Variants in FGF10 observed in about 807,000 individuals in gnomAD.
FGF10 encodes fibroblast growth factor 10.
FGF10 carries 2 observed loss-of-function variants against 19.8 expected under a neutral mutation model. The observed-to-expected ratio is 0.10, with a 90% CI of 0.04 to 0.32. FGF10 has a LOEUF of 0.32. Ranked by LOEUF, FGF10 falls within the 10% of genes least tolerant of loss-of-function variation. FGF10 has a pLI of 1.00. For synonymous variants in FGF10, 112 were observed against 94.0 expected, an observed-to-expected ratio of 1.19 and a Z score of -1.10; for missense variants, 191 against 246.3, an observed-to-expected ratio of 0.78 and a Z score of 1.50.
At chr5:44,373,565 T>A (rs895999824) in intron 1 of FGF10, among the ~76,000 whole-genome samples, 8 of 152,186 alleles carry the variant, frequency 5.3e-5, no homozygotes, top group African/African-American at 1.9e-4. Context: ...TCATACAACG[T>A]AGAACACAGT....
At chr5:44,327,041 G>T (rs1740630646) in intron 1 of FGF10, among the ~76,000 whole-genome samples, 1 of 152,056 alleles carries the variant, frequency 6.6e-6, no homozygotes. Flanking sequence ...GCCCTTCCAG[G>T]GTAGGCAGGA....
rs1357448481 is a variant in FGF10 at position 44,304,780 on chromosome 5, C to T, written c.*215G>A. ...AATAACTTCTATCCCATTCGATCTG[C>T]CTATATCTTGATTATAAGACATGAC... On this transcript the variant is annotated 3_prime_UTR_variant, in exon 3 of 3. Transcript: ENST00000264664. 5 of 567,420 alleles carry T rather than the reference C, an allele frequency of 8.8e-6. No homozygotes were observed. Among genetic ancestry groups the T allele is most frequent in the East Asian group, 6.1e-5 (2 of 32,980 alleles). The allele number at this position is 567,420 out of a possible 1,614,324, so 35.1% of individuals were successfully genotyped here.
intron 1 of FGF10, among the ~76,000 whole-genome samples, chr5:44,332,094 A>C (rs1166757769): frequency 2.0e-5 from 3 of 152,148 alleles, no homozygotes; most frequent in Non-Finnish European, 2.9e-5. Flanking sequence ...TTTTCCATTT[A>C]AATAATACAA....
intron 1 of FGF10, among the ~76,000 whole-genome samples, chr5:44,333,790 G>C (rs1013927730): frequency 2.6e-5 from 4 of 152,122 alleles, no homozygotes; most frequent in Non-Finnish European, 4.4e-5. Context: ...AGGAGATAAT[G>C]TGAGGCTGCC....
intron 1 of FGF10, among the ~76,000 whole-genome samples, chr5:44,380,849 C>T (rs1741969565): frequency 6.6e-6 from 1 of 152,006 alleles, no homozygotes; most frequent in African/African-American, 2.4e-5. Context: ...GCAAATTATC[C>T]AGGCAGGGTG....
chr5:44,383,526 G>A (rs1347004717), intron 1 of FGF10, among the ~76,000 whole-genome samples: 3 of 152,056 alleles, frequency 2.0e-5, no homozygotes, highest in Non-Finnish European at 4.4e-5. Context: ...GAATTCTCAT[G>A]CTCCAATACG....
At chr5:44,328,002 T>C (rs1740650345) in intron 1 of FGF10, among the ~76,000 whole-genome samples, 2 of 152,342 alleles carry the variant, frequency 1.3e-5, no homozygotes, top group South Asian at 4.1e-4. Flanking sequence ...TTTCCTTAGA[T>C]GTCTTCCCAC....
At chr5:44,319,665 T>C (rs1026366225) in intron 1 of FGF10, among the ~76,000 whole-genome samples, 1 of 152,228 alleles carries the variant, frequency 6.6e-6, no homozygotes, top group Non-Finnish European at 1.5e-5. Context: ...CCTTCAAAGA[T>C]TATTTCCATG....
At chr5:44,307,452 T>C (rs1398963007) in intron 2 of FGF10, among the ~76,000 whole-genome samples, 2 of 152,164 alleles carry the variant, frequency 1.3e-5, no homozygotes, top group Non-Finnish European at 2.9e-5. Flanking sequence ...TTTTATACTT[T>C]ATTTACTGAA....
chr5:44,327,870 G>A (rs555613759), intron 1 of FGF10, among the ~76,000 whole-genome samples: 112 of 152,264 alleles, frequency 7.4e-4, no homozygotes, highest in Non-Finnish European at 5.1e-4. Flanking sequence ...CTTGCCTGTT[G>A]ACAAAGACAG....
intron 1 of FGF10, among the ~76,000 whole-genome samples, chr5:44,368,248 A>G (rs1432045374): frequency 6.6e-6 from 1 of 152,132 alleles, no homozygotes; most frequent in Admixed American, 6.5e-5. Context: ...GGGAAAATAT[A>G]TAATAAGACA....
intron 1 of FGF10, among the ~76,000 whole-genome samples, chr5:44,320,272 A>G (rs1348693924): frequency 6.6e-6 from 1 of 152,132 alleles, no homozygotes; most frequent in Admixed American, 6.5e-5. Context: ...GTCAGGCTTT[A>G]AGTCAGAATC....
chr5:44,341,990 G>A (rs1384223544), intron 1 of FGF10, among the ~76,000 whole-genome samples: 1 of 151,686 alleles, frequency 6.6e-6, no homozygotes, highest in African/African-American at 2.4e-5. Context: ...AGGTAGAGAG[G>A]GGAAAGCAAT....
Position 44,379,514 on chromosome 5 carries a change from T to A in FGF10, c.325+8844A>T, listed in dbSNP as rs554884016. Among the ~76,000 whole-genome samples, 18 of 152,316 alleles carry A rather than the reference T, an allele frequency of 1.2e-4. No individual in the cohort carries two copies. In the South Asian group the frequency reaches 3.3e-3, roughly 28 times the overall value. ...CTGCGGCTTCAAAGCCTGCTTTCAC[T>A]CCGGGACTATACTTTTTATCCCTTT... On this transcript the variant is annotated intron_variant, in intron 1 of 2. Coordinates refer to ENST00000264664, the MANE Select transcript of FGF10 (RefSeq NM_004465.2).
At chr5:44,318,461 G>A (rs1485211985) in intron 1 of FGF10, among the ~76,000 whole-genome samples, 1 of 152,038 alleles carries the variant, frequency 6.6e-6, no homozygotes, top group East Asian at 1.9e-4. Context: ...GAGCATCATG[G>A]CCACATCCCA....
intron 1 of FGF10, among the ~76,000 whole-genome samples, chr5:44,355,628 T>A (rs1006397712): frequency 1.3e-5 from 2 of 151,136 alleles, no homozygotes; most frequent in African/African-American, 4.8e-5. Flanking sequence ...GAAGGTAAAA[T>A]AAAAACAGGG....
At chr5:44,307,423 C>A (rs1276080850) in intron 2 of FGF10, among the ~76,000 whole-genome samples, 1 of 152,074 alleles carries the variant, frequency 6.6e-6, no homozygotes, top group Non-Finnish European at 1.5e-5. Flanking sequence ...TCTATGAAGA[C>A]CTATTCTATT....
chr5:44,324,875 A>C (rs1367227407), intron 1 of FGF10, among the ~76,000 whole-genome samples: 1 of 152,210 alleles, frequency 6.6e-6, no homozygotes, highest in Non-Finnish European at 1.5e-5. Context: ...CAACAGTTTC[A>C]TACTATTCAA....
At chr5:44,321,640 A>T (rs968123690) in intron 1 of FGF10, among the ~76,000 whole-genome samples, 8 of 152,222 alleles carry the variant, frequency 5.3e-5, no homozygotes, top group Non-Finnish European at 1.2e-4. Flanking sequence ...TAGCCAAAAA[A>T]TGTCACTTGA....
Sources: gnomAD v4.1 joint callset for allele counts (sites outside exome capture counted in the v4.1 genomes callset) on GRCh38, gnomAD v4.1.1 for gene constraint, MANE v1.5 for transcripts, NCBI Gene and HGNC (gene_info 2026-07-23, HGNC 2026-07-21) for gene names.